The following KMO variants were observed in gnomAD, a reference collection of about 807,000 sequenced individuals.
KMO encodes the protein kynurenine 3-monooxygenase.
A neutral mutation model predicts 57.8 loss-of-function variants in KMO; 24 were observed. The observed-to-expected ratio is 0.42, with a 90% CI of 0.30 to 0.58. The LOEUF (loss-of-function observed/expected upper bound fraction) is 0.58. KMO is among the 20% of genes least tolerant of loss of function. The pLI, the probability that KMO is intolerant of heterozygous loss-of-function variation, is 0.22. For missense variants in KMO, 483 were observed against 588.2 expected (o/e 0.82, Z 1.85); for synonymous variants, 210 against 193.6 (o/e 1.08, Z -0.70).
At chr1:241,583,058 C>T (rs1662817986) in intron 10 of KMO, among the ~76,000 whole-genome samples, 1 of 152,176 alleles carries the variant, frequency 6.6e-6, no homozygotes, top group South Asian at 2.1e-4. Flanking sequence ...AATGGTGCTT[C>T]TAAATGAAGC....
At chr1:241,584,250 A>G (rs1573937764) in intron 10 of KMO, among the ~76,000 whole-genome samples, 1 of 152,004 alleles carries the variant, frequency 6.6e-6, no homozygotes, top group African/African-American at 2.4e-5. Flanking sequence ...TGTCCTTGCA[A>G]CTCATCATCA....
At chr1:241,533,699 A>G (rs533007748) in intron 1 of KMO, among the ~76,000 whole-genome samples, 1 of 152,350 alleles carries the variant, frequency 6.6e-6, no homozygotes, top group South Asian at 2.1e-4. Flanking sequence ...TGAGAATTCC[A>G]GAGAAGAAAA....
intron 2 of KMO, among the ~76,000 whole-genome samples, chr1:241,549,258 A>T (rs866628829): frequency 6.3e-5 from 9 of 142,088 alleles, no homozygotes; most frequent in Admixed American, 1.4e-4. Context: ...AGAAAGAAAG[A>T]AAGAAAGAAA....
chr1:241,532,972 C>A (rs934850249), intron 1 of KMO, among the ~76,000 whole-genome samples: 36 of 152,194 alleles, frequency 2.4e-4, no homozygotes, highest in Admixed American at 2.3e-3. Context: ...TGAATGTTCA[C>A]TAGTTATATG....
chr1:241,576,408 G>A (rs748590909), intron 10 of KMO, among the ~76,000 whole-genome samples: 1 of 151,964 alleles, frequency 6.6e-6, no homozygotes, highest in Non-Finnish European at 1.5e-5. Context: ...TCAACCTTTT[G>A]TTTCAAGATT....
At chr1:241,555,786 C>G in intron 5 of KMO, 126 bp downstream of exon 5, 1 of 582,142 alleles carries the variant, frequency 1.7e-6, no homozygotes, top group Non-Finnish European at 3.1e-6. Context: ...AGACTATGTA[C>G]ACTACAAAGT....
intron 10 of KMO, among the ~76,000 whole-genome samples, chr1:241,577,102 T>C (rs145985266): frequency 3.7e-4 from 56 of 152,248 alleles, no homozygotes; most frequent in South Asian, 8.3e-4. Flanking sequence ...GTTTTTTCTG[T>C]AAAATATCTA....
At chr1:241,540,641 G>A (rs188721377) in intron 1 of KMO, among the ~76,000 whole-genome samples, 1 of 152,238 alleles carries the variant, frequency 6.6e-6, no homozygotes, top group East Asian at 1.9e-4. Flanking sequence ...ATAATGAACT[G>A]GAGAAAGAGG....
intron 1 of KMO, among the ~76,000 whole-genome samples, chr1:241,545,253 A>G (rs1036257790): frequency 6.6e-6 from 1 of 152,226 alleles, no homozygotes; most frequent in Admixed American, 6.5e-5. Context: ...ACAGACAGAT[A>G]TTGATTATAG....
chr1:241,559,636 C>CA (rs535792690), intron 5 of KMO, among the ~76,000 whole-genome samples: 16 of 151,694 alleles, frequency 1.1e-4, no homozygotes, highest in Non-Finnish European at 1.8e-4. Context: ...CAAACTGAAA[C>CA]AAAAAAGAGT....
chr1:241,584,963 C>T (rs978920864), intron 10 of KMO, among the ~76,000 whole-genome samples: 5 of 152,062 alleles, frequency 3.3e-5, no homozygotes, highest in East Asian at 1.9e-4. Context: ...TGGTGGCTCA[C>T]GCCTGTAATC....
chr1:241,588,128 A>G (rs1205211112), intron 11 of KMO, among the ~76,000 whole-genome samples: 2 of 151,976 alleles, frequency 1.3e-5, no homozygotes, highest in Non-Finnish European at 2.9e-5. Context: ...TTTTTCATCT[A>G]TAAAGTGGGG....
intron 1 of KMO, among the ~76,000 whole-genome samples, chr1:241,539,961 C>T (rs950216632): frequency 1.3e-5 from 2 of 152,170 alleles, no homozygotes; most frequent in African/African-American, 4.8e-5. Flanking sequence ...CAAATATAAG[C>T]ACACTGCCTA....
At chr1:241,546,521 T>G (rs1166378861) in intron 1 of KMO, among the ~76,000 whole-genome samples, 1 of 152,148 alleles carries the variant, frequency 6.6e-6, no homozygotes, top group African/African-American at 2.4e-5. Context: ...AGCATAATGA[T>G]TCCAATAACT....
intron 1 of KMO, among the ~76,000 whole-genome samples, chr1:241,544,096 T>G (rs1373553267): frequency 2.0e-5 from 3 of 152,180 alleles, no homozygotes; most frequent in Non-Finnish European, 4.4e-5. Flanking sequence ...GTGGTTGAAT[T>G]TTTAGGAGAT....
intron 14 of KMO, among the ~76,000 whole-genome samples, chr1:241,590,877 A>G (rs1311924050): frequency 6.6e-6 from 1 of 152,172 alleles, no homozygotes; most frequent in Non-Finnish European, 1.5e-5. Context: ...ACTGCCCCCG[A>G]GGAGAACAGG....
In KMO at chr1:241,594,818, G is replaced by A; in HGVS notation, c.*2665G>A. ...GTTTGTTAGCAGGTGTGGATGTGGG[G>A]TTATGTGGTCATGCTCAGATCTACC... On this transcript the variant is annotated 3_prime_UTR_variant, in exon 15 of 15. Coordinates refer to ENST00000366559, the MANE Select transcript of KMO (RefSeq NM_003679.5). 1 of 1,025,078 alleles carries A rather than the reference G, an allele frequency of 9.8e-7. No homozygotes were observed. Among genetic ancestry groups the A allele is most frequent in the South Asian group, 1.6e-5 (1 of 61,588 alleles). The allele number at this position is 1,025,078 out of a possible 1,614,324, so 63.5% of individuals were successfully genotyped here. A position where few individuals can be genotyped will look rare whatever the true frequency, so the allele number is the denominator to read the frequency against.
At chr1:241,568,918 T>C (rs1170640609) in intron 10 of KMO, among the ~76,000 whole-genome samples, 1 of 152,154 alleles carries the variant, frequency 6.6e-6, no homozygotes, top group African/African-American at 2.4e-5. Flanking sequence ...CCCCTGTGGA[T>C]ACAAAAATCC....
chr1:241,547,081 C>A (rs1020247121), intron 1 of KMO, among the ~76,000 whole-genome samples: 1 of 152,096 alleles, frequency 6.6e-6, no homozygotes, highest in African/African-American at 2.4e-5. Flanking sequence ...ATACAGGTTG[C>A]CAGTGATGAG....
Sources: allele counts gnomAD v4.1 joint callset (sites outside exome capture counted in the v4.1 genomes callset), GRCh38; gene constraint gnomAD v4.1.1; transcripts MANE v1.5; gene names NCBI Gene and HGNC (gene_info 2026-07-23, HGNC 2026-07-21).